RASGRP2: variants seen among roughly 807,000 people sequenced by gnomAD.
The protein encoded by RASGRP2 is RAS guanyl releasing protein 2, also known as RAS guanyl-releasing protein 2.
RASGRP2 carries 44 observed loss-of-function variants against 71.0 expected under a neutral mutation model. The observed-to-expected ratio is 0.62, with a 90% confidence interval of 0.49 to 0.80. RASGRP2 has a LOEUF of 0.80. RASGRP2 is among the 30% of genes least tolerant of loss of function. The probability of loss-of-function intolerance (pLI) is 0.00; values close to 1 mark genes in which losing one functional copy is unlikely to be tolerated. For synonymous variants in RASGRP2, 350 were observed against 330.7 expected (o/e 1.06, Z -0.63); for missense variants, 663 against 813.4 (o/e 0.82, Z 2.25).
At position 64,742,904 on chromosome 11, in the gene RASGRP2, T is replaced by G; in HGVS notation, c.-38A>C. ...GGGGTGGGCTGGGCCCAGGCTGCGC[T>G]CCGGGAGCCTCCCACCGGGCTCGGA... On this transcript the variant is annotated 5_prime_UTR_variant, in exon 2 of 17. Coordinates refer to ENST00000394432, the MANE Select transcript of RASGRP2 (RefSeq NM_001098671.2). The surrounding 1 kb of genome is among the most constrained non-coding windows in gnomAD (Gnocchi z 4.7). 1 of 1,552,518 alleles carries G rather than the reference T, an allele frequency of 6.4e-7. No individual in the cohort carries two copies. The highest frequency in any genetic ancestry group is 8.7e-7 in the Non-Finnish European group (1 of 1,153,912).
rs1351468021 is a variant in RASGRP2 at position 64,741,462 on chromosome 11, C to T, written c.216G>A (p.Gln72=). 6.3e-7 allele frequency: 1 copy of T among 1,577,688 alleles called. No individual in the cohort carries two copies. The highest frequency in any genetic ancestry group is 8.6e-7 in the Non-Finnish European group (1 of 1,160,244). The change falls in exon 4 of 17, where the codon CAG becomes CAA. Residue 72 remains glutamine, a synonymous_variant. Transcript: ENST00000394432. The part of the protein sequence containing the change: ...QSRKDNSNSL[Q]VKTCHLVRYW... ...ACCTGACCAGGTGGCACGTTTTCACCTGCAGGGAATTGGAGTTGTCCTTCC... is the reference window on the plus strand; with the variant it reads ...ACCTGACCAGGTGGCACGTTTTCACTTGCAGGGAATTGGAGTTGTCCTTCC...
intron 14 of RASGRP2, 119 bp downstream of exon 14, chr11:64,729,643 C>T: frequency 7.7e-7 from 1 of 1,299,196 alleles, no homozygotes; most frequent in Non-Finnish European, 1.1e-6. Flanking sequence ...GGCCATGCGC[C>T]TCTGATTTTA....
Position 64,742,454 on chromosome 11 carries a change from A to G in RASGRP2, c.73+340T>C. 1 of 559,956 alleles carries G rather than the reference A, an allele frequency of 1.8e-6. No individual in the cohort carries two copies. Among genetic ancestry groups the G allele is most frequent in the East Asian group, 3.1e-5 (1 of 32,638 alleles). 34.7% of individuals were successfully genotyped at this position (559,956 alleles called of 1,614,324 possible). A position where few individuals can be genotyped will look rare whatever the true frequency, so the allele number is the denominator to read the frequency against. ...GGAAGGGGCACCCCTTCACCAGATAAGCCGCCCCCCATTAGCCGGAAACAG... is the reference window on the plus strand; with the variant it reads ...GGAAGGGGCACCCCTTCACCAGATAGGCCGCCCCCCATTAGCCGGAAACAG... On this transcript the variant is annotated intron_variant, in intron 2 of 16. Coordinates refer to ENST00000394432, the MANE Select transcript of RASGRP2 (RefSeq NM_001098671.2). The surrounding 1 kb of genome is among the most constrained non-coding windows in gnomAD (Gnocchi z 4.7).
chr11:64,729,868 G>A (rs746370277), intron 13 of RASGRP2, 70 bp from the exon 14 acceptor site: 133 of 1,598,258 alleles, frequency 8.3e-5, no homozygotes, highest in Non-Finnish European at 1.1e-4. Flanking sequence ...TCCTTCTTGA[G>A]GGTGAGACTA....
Position 64,743,213 on chromosome 11 carries a change from G to A in RASGRP2, c.-71-276C>T, listed in dbSNP as rs2058197686. 2 of 531,754 alleles carry A rather than the reference G, an allele frequency of 3.8e-6. No homozygotes were observed. Among genetic ancestry groups the A allele is most frequent in the Non-Finnish European group, 7.2e-6 (2 of 276,376 alleles). 32.9% of individuals were successfully genotyped at this position (531,754 alleles called of 1,614,324 possible). A position where few individuals can be genotyped will look rare whatever the true frequency, so the allele number is the denominator to read the frequency against. On this transcript the variant is annotated intron_variant, in intron 1 of 16. Coordinates refer to ENST00000394432, the MANE Select transcript of RASGRP2 (RefSeq NM_001098671.2). This position sits in a 1 kb window ranked among gnomAD's most constrained non-coding sequence, Gnocchi z 4.9. ...CGAACCAAGATCCCAGGACTGGCTG[G>A]CGCCCAGCCCCCCGCAGGGCGCCTT...
chr11:64,744,801 C>A (rs1259586469), upstream of RASGRP2: 1 of 149,950 alleles, frequency 6.7e-6, no homozygotes, highest in Non-Finnish European at 1.5e-5. Flanking sequence ...CCGTGCGCTC[C>A]CGCCCGCCGG....
intron 12 of RASGRP2, among the ~76,000 whole-genome samples, chr11:64,730,784 T>C (rs1217764416): frequency 1.3e-5 from 2 of 152,266 alleles, no homozygotes; most frequent in African/African-American, 4.8e-5. Flanking sequence ...CCTCTTGACC[T>C]GTAGCGGAGT....
At position 64,735,802 on chromosome 11, in the gene RASGRP2, A is replaced by G. The variant is rs1001908153; in HGVS notation, c.1173+101T>C. 1.3e-6 allele frequency: 2 copies of G among 1,483,686 alleles called. No individual in the cohort carries two copies. Among genetic ancestry groups the G allele is most frequent in the South Asian group, 1.2e-5 (1 of 83,926 alleles). 91.9% of individuals were successfully genotyped at this position (1,483,686 alleles called of 1,614,324 possible). A position where few individuals can be genotyped will look rare whatever the true frequency, so the allele number is the denominator to read the frequency against. ...ACCCCCAGGATGCCTCTGTCCTACA[A>G]GATGGATGGGTGAGGTGGCTGCTAA... On this transcript the variant is annotated intron_variant, in intron 10 of 16. Coordinates refer to ENST00000394432, the MANE Select transcript of RASGRP2 (RefSeq NM_001098671.2). This position sits in a 1 kb window ranked among gnomAD's most constrained non-coding sequence, Gnocchi z 4.2.
chr11:64,741,953 G>A, intron 3 of RASGRP2, 57 bp downstream of exon 3: 3 of 1,439,242 alleles, frequency 2.1e-6, no homozygotes, highest in Non-Finnish European at 2.9e-6. Context: ...GGGCTGGGCA[G>A]AGGGGCTGCG....
chr11:64,740,266 T>G, intron 5 of RASGRP2, 103 bp from the exon 6 acceptor site: 1 of 1,443,610 alleles, frequency 6.9e-7, no homozygotes, highest in Non-Finnish European at 9.7e-7. Flanking sequence ...ACCTACATAA[T>G]GCGAGGCACT....
intron 15 of RASGRP2, among the ~76,000 whole-genome samples, chr11:64,728,435 T>A (rs993037026): frequency 2.0e-5 from 3 of 152,014 alleles, no homozygotes; most frequent in African/African-American, 2.4e-5. Context: ...TTTTTTATTT[T>A]TTTTTTTTCT....
rs1172898693 is a variant in RASGRP2 at position 64,735,277 on chromosome 11, G to A, written c.1297-50C>T. ...GAGCCAGAAGAGGGGAGAGTAAAGG[G>A]GACATCAGGTCCTGTCCCTTCCCAC... On this transcript the variant is annotated intron_variant, in intron 11 of 16. Coordinates refer to ENST00000394432, the MANE Select transcript of RASGRP2 (RefSeq NM_001098671.2). The surrounding 1 kb of genome is among the most constrained non-coding windows in gnomAD (Gnocchi z 4.2). 1.4e-6 allele frequency: 2 copies of A among 1,468,222 alleles called. No homozygotes were observed. The highest frequency in any genetic ancestry group is 2.3e-5 in the South Asian group (2 of 87,800). 90.9% of individuals were successfully genotyped at this position (1,468,222 alleles called of 1,614,324 possible).
At position 64,740,404 on chromosome 11, in the gene RASGRP2, G is replaced by A. The variant is rs975801403; in HGVS notation, c.372-241C>T. 5.9e-6 allele frequency: 4 copies of A among 683,080 alleles called. No individual in the cohort carries two copies. In the Admixed American group the frequency reaches 6.2e-5, roughly 11 times the overall value. 42.3% of individuals were successfully genotyped at this position (683,080 alleles called of 1,614,324 possible). A position where few individuals can be genotyped will look rare whatever the true frequency, so the allele number is the denominator to read the frequency against. ...CACTGTGCTAGGCGCTGGGAATACAGAGATGAGTAAGACACGGTTCCTGCC... is the reference window on the plus strand; with the variant it reads ...CACTGTGCTAGGCGCTGGGAATACAAAGATGAGTAAGACACGGTTCCTGCC... On this transcript the variant is annotated intron_variant, in intron 5 of 16. Coordinates refer to ENST00000394432, the MANE Select transcript of RASGRP2 (RefSeq NM_001098671.2).
At chr11:64,728,763 G>A (rs1214783139) in intron 15 of RASGRP2, 100 bp downstream of exon 15, 2 of 1,261,548 alleles carry the variant, frequency 1.6e-6, no homozygotes, top group African/African-American at 1.5e-5. Flanking sequence ...ACCACAAAAA[G>A]AGAATTATGC....
In RASGRP2 at chr11:64,742,839, C is replaced by A. The variant is rs1344009449; in HGVS notation, c.28G>T (p.Gly10Cys). Residue 10 changes from glycine (G) to cysteine (C), a missense_variant, in exon 2 of 17, where the codon GGC becomes TGC. By Grantham distance (159) the Gly-to-Cys change is radical. Transcript: ENST00000394432. This position sits in a 1 kb window ranked among gnomAD's most constrained non-coding sequence, Gnocchi z 4.7. Reference sequence around the variant, plus strand: ...CGGAGCAGCTCCTCCACCGTGCAGCCCTTGTCCAGGTCCAGGGTGCCTGCC... The same window carrying A: ...CGGAGCAGCTCCTCCACCGTGCAGCACTTGTCCAGGTCCAGGGTGCCTGCC... The part of the protein sequence containing the change: MAGTLDLDK[G>C]CTVEELLRGC... 6.2e-7 allele frequency: 1 copy of A among 1,606,460 alleles called. No homozygotes were observed. The highest frequency in any genetic ancestry group is 1.1e-5 in the South Asian group (1 of 89,986).
Position 64,735,511 on chromosome 11 carries a change from C to G in RASGRP2, c.1296+31G>C, listed in dbSNP as rs766418574. The G allele has an allele frequency of 5.6e-6, 9 of 1,613,534 alleles. 1 individual carries two copies. The South Asian group carries it at 8.8e-5, about 16-fold the overall frequency. ...GTGCTCCGGCAAACTGGCCTCTCCC[C>G]ACACACTGCTCAGGCTCCGCAGGAG... On this transcript the variant is annotated intron_variant, in intron 11 of 16. Transcript: ENST00000394432. This position sits in a 1 kb window ranked among gnomAD's most constrained non-coding sequence, Gnocchi z 4.2.
At chr11:64,737,490 G>A (rs1037091022) in intron 8 of RASGRP2, among the ~76,000 whole-genome samples, 16 of 151,810 alleles carry the variant, frequency 1.1e-4, no homozygotes, top group African/African-American at 3.9e-4. Flanking sequence ...CCAACATGGT[G>A]GAAACCTCAT....
intron 8 of RASGRP2, among the ~76,000 whole-genome samples, chr11:64,738,724 C>G (rs1174279785): frequency 6.6e-6 from 1 of 152,132 alleles, no homozygotes; most frequent in Non-Finnish European, 1.5e-5. Context: ...CAGGTGTGAG[C>G]TACTACGCCC....
In RASGRP2 at chr11:64,743,433, GC is replaced by G; in HGVS notation, c.-71-497del. 2.9e-6 allele frequency: 1 copy of G among 349,946 alleles called. No individual in the cohort carries two copies. The highest frequency in any genetic ancestry group is 5.6e-6 in the Non-Finnish European group (1 of 177,272). The allele number at this position is 349,946 out of a possible 1,614,324, so 21.7% of individuals were successfully genotyped here. On this transcript the variant is annotated intron_variant, in intron 1 of 16. Transcript: ENST00000394432. The surrounding 1 kb of genome is among the most constrained non-coding windows in gnomAD (Gnocchi z 4.9). ...AGAACCCAGGCGTCCTGCCCGCCTC[GC>G]CCCCTCCCGGGAGCCCAGGAAGGCG...
Sources: gnomAD v4.1 joint callset for allele counts (sites outside exome capture counted in the v4.1 genomes callset) on GRCh38, gnomAD v4.1.1 for gene constraint, Gnocchi (gnomAD v3.1) non-coding constraint, MANE v1.5 for transcripts, NCBI Gene and HGNC (gene_info 2026-07-23, HGNC 2026-07-21) for gene names.